The following GABRB3 variants were observed in gnomAD, a reference collection of about 807,000 sequenced individuals.
GABRB3 encodes gamma-aminobutyric acid receptor subunit beta-3.
GABRB3 carries 14 observed loss-of-function variants against 52.1 expected under a neutral mutation model. The observed-to-expected ratio is 0.27, with a 90% CI of 0.18 to 0.42. GABRB3 has a LOEUF of 0.42. Among genes scored for constraint, GABRB3 ranks in the 10% least tolerant of loss-of-function variants. GABRB3 has a pLI of 1.00. For synonymous variants in GABRB3, 260 were observed against 232.3 expected, an observed-to-expected ratio of 1.12 and a Z score of -1.08; for missense variants, 307 against 609.1, an observed-to-expected ratio of 0.50 and a Z score of 5.22.
In GABRB3 at chr15:26,641,421, C is replaced by A. The variant is rs140018997; in HGVS notation, c.241-19887G>T. ...GCACTGGCCAGAGGAAGGCAAGACA[C>A]TGAAGGGAGAGGAAAGTGAATTGAC... is the stretch of plus-strand genomic sequence containing the variant. On this transcript the variant is annotated intron_variant, in intron 3 of 8. Coordinates refer to ENST00000311550, the MANE Select transcript of GABRB3 (RefSeq NM_000814.6). 8.4e-3 allele frequency among the ~76,000 whole-genome samples: 1,272 copies of A among 152,326 alleles called. 19 individuals carry two copies. The highest frequency in any genetic ancestry group is 0.029 in the African/African-American group (1,222 of 41,576).
chr15:26,690,999 C>A (rs913862263), intron 3 of GABRB3, among the ~76,000 whole-genome samples: 5 of 151,680 alleles, frequency 3.3e-5, no homozygotes, highest in Admixed American at 1.3e-4. Context: ...CCCCTCCCCA[C>A]TCACTCCCCC....
intron 4 of GABRB3, among the ~76,000 whole-genome samples, chr15:26,607,683 A>T (rs1259055054): frequency 6.6e-6 from 1 of 152,190 alleles, no homozygotes; most frequent in Non-Finnish European, 1.5e-5. Flanking sequence ...AATTAACACT[A>T]AACTATCTGA....
At chr15:26,575,792 C>T (rs1457174616) in intron 6 of GABRB3, among the ~76,000 whole-genome samples, 1 of 152,064 alleles carries the variant, frequency 6.6e-6, no homozygotes, top group Admixed American at 6.5e-5. Flanking sequence ...CATTTTGCAC[C>T]CTTCTCTTTT....
In GABRB3 at chr15:26,559,424, C is replaced by A. The variant is rs537867778; in HGVS notation, c.1080+1508G>T. On this transcript the variant is annotated intron_variant, in intron 8 of 8. Transcript: ENST00000311550. The stretch of plus-strand genomic sequence containing the variant: ...GCAGAACTGTGAACCAATTAAACCT[C>A]TTTTCTTTGTAAATTTCCCAGTCTC... Among the ~76,000 whole-genome samples, 5 of 152,160 alleles carry A rather than the reference C, an allele frequency of 3.3e-5. No homozygotes were observed. The East Asian group carries it at 7.8e-4, about 24-fold the overall frequency.
At chr15:26,758,862 A>G (rs1157342572) in intron 3 of GABRB3, among the ~76,000 whole-genome samples, 1 of 152,218 alleles carries the variant, frequency 6.6e-6, no homozygotes, top group African/African-American at 2.4e-5. Context: ...AGCGCAAATG[A>G]CTTATTTACT....
chr15:26,764,149 CAAAAAAAAAAAAAAAAAAAAAA>C (rs1165542034), intron 3 of GABRB3, among the ~76,000 whole-genome samples: 9 of 18,160 alleles, frequency 5.0e-4, no homozygotes, highest in African/African-American at 2.5e-3. Context: ...GACTCGGTCT[CAAAAAAAAAAAAAAAAAAAAAA>C]AAAAAAAAAT....
intron 4 of GABRB3, chr15:26,615,538 ACT>A: frequency 6.7e-6 from 5 of 749,398 alleles, no homozygotes; most frequent in Non-Finnish European, 8.2e-6. Context: ...GAATGTGATC[ACT>A]CTCAAGCATC....
chr15:26,686,304 AT>A (rs1347243828), intron 3 of GABRB3, among the ~76,000 whole-genome samples: 1 of 152,214 alleles, frequency 6.6e-6, no homozygotes, highest in Admixed American at 6.5e-5. Context: ...ACCACCAACT[AT>A]TTTGAAAAAG....
chr15:26,563,289 G>C (rs1254780169), intron 7 of GABRB3, among the ~76,000 whole-genome samples: 1 of 152,208 alleles, frequency 6.6e-6, no homozygotes, highest in Non-Finnish European at 1.5e-5. Context: ...AGGGACCTGG[G>C]CTAGGACCCT....
At chr15:26,683,789 C>T (rs878960) in intron 3 of GABRB3, among the ~76,000 whole-genome samples, 79,808 of 151,562 alleles carry the variant, frequency 0.53, 22,625 homozygotes, top group Non-Finnish European at 0.63. Flanking sequence ...TATACACTCT[C>T]ATACACTCAT....
intron 5 of GABRB3, among the ~76,000 whole-genome samples, chr15:26,583,095 A>G (rs1890847856): frequency 6.6e-6 from 1 of 152,148 alleles, no homozygotes. Flanking sequence ...GAATGGACCG[A>G]AATGAGGGGC....
At chr15:26,752,475 G>A (rs1336795336) in intron 3 of GABRB3, among the ~76,000 whole-genome samples, 2 of 151,956 alleles carry the variant, frequency 1.3e-5, no homozygotes, top group Non-Finnish European at 2.9e-5. Context: ...GTGTTAGCCA[G>A]GATGGTCTCG....
chr15:26,703,460 G>T (rs985339770), intron 3 of GABRB3, among the ~76,000 whole-genome samples: 4 of 152,128 alleles, frequency 2.6e-5, no homozygotes, highest in Admixed American at 6.5e-5. Context: ...ACAACAATCT[G>T]ATTCTGGCCC....
rs181336870 is a variant in GABRB3 at position 26,577,172 on chromosome 15, C to A, written c.682+3147G>T. Among the ~76,000 whole-genome samples the A allele has an allele frequency of 7.2e-5, 11 of 152,132 alleles. No homozygotes were observed. In the East Asian group the frequency reaches 1.9e-3, roughly 27 times the overall value. Reference sequence around the variant, plus strand: ...TAAGGAGATGATGGCCAGTGATGCTCCAAACCCTCAGACACACATCCAACC... The same window carrying A: ...TAAGGAGATGATGGCCAGTGATGCTACAAACCCTCAGACACACATCCAACC... On this transcript the variant is annotated intron_variant, in intron 6 of 8. Coordinates refer to ENST00000311550, the MANE Select transcript of GABRB3 (RefSeq NM_000814.6).
intron 3 of GABRB3, 41 bp downstream of exon 3, chr15:26,772,361 G>A (rs764173133): frequency 1.4e-5 from 21 of 1,550,906 alleles, no homozygotes; most frequent in East Asian, 2.3e-5. Flanking sequence ...CAGACAGCGG[G>A]CCGGGGGCTC....
At chr15:26,631,901 G>A (rs1266729270) in intron 3 of GABRB3, among the ~76,000 whole-genome samples, 1 of 152,106 alleles carries the variant, frequency 6.6e-6, no homozygotes, top group Non-Finnish European at 1.5e-5. Context: ...TCTACCATAG[G>A]CCAAGAACCA....
intron 3 of GABRB3, among the ~76,000 whole-genome samples, chr15:26,706,028 T>A (rs1288704840): frequency 6.6e-6 from 1 of 151,888 alleles, no homozygotes; most frequent in Non-Finnish European, 1.5e-5. Flanking sequence ...AACCTGCACA[T>A]GTTTCCCCTG....
intron 3 of GABRB3, among the ~76,000 whole-genome samples, chr15:26,732,248 G>A (rs975447924): frequency 2.0e-5 from 3 of 150,658 alleles, no homozygotes; most frequent in Admixed American, 6.6e-5. Context: ...ATGGATGGAT[G>A]GATGAATAGA....
intron 6 of GABRB3, among the ~76,000 whole-genome samples, chr15:26,574,887 C>T (rs796788236): frequency 2.0e-5 from 3 of 152,106 alleles, no homozygotes; most frequent in African/African-American, 7.2e-5. Context: ...GTATGGTATG[C>T]GAATTGTATC....
Sources: gnomAD v4.1 joint callset for allele counts (sites outside exome capture counted in the v4.1 genomes callset) on GRCh38, gnomAD v4.1.1 for gene constraint, MANE v1.5 for transcripts, NCBI Gene and HGNC (gene_info 2026-07-23, HGNC 2026-07-21) for gene names.